MUC3A: variants seen among roughly 807,000 people sequenced by gnomAD.
MUC3A encodes mucin 3A, cell surface associated.
MUC3A carries 109 observed loss-of-function variants against 109.0 expected under a neutral mutation model. The observed-to-expected ratio is 1.00, with a 90% CI of 0.86 to 1.17. MUC3A has a LOEUF of 1.17. Among genes scored for constraint, MUC3A ranks in the 50% most tolerant of loss-of-function variants. The pLI, the probability that MUC3A is intolerant of heterozygous loss-of-function variation, is 0.00. For synonymous variants in MUC3A, 1,398 were observed against 981.4 expected, an observed-to-expected ratio of 1.42 and a Z score of -7.93; for missense variants, 3,537 against 2,469.4, an observed-to-expected ratio of 1.43 and a Z score of -9.16.
rs770324699 is a variant in MUC3A at position 100,959,645 on chromosome 7, G to A, written c.7866G>A (p.Thr2622=). ...HTLTPSTALS[T]IVSTSQVPIP... ...TTACTCCATCAACAGCCTTGAGCAC[G>A]ATCGTGTCAACATCACAGGTTCCTA... Residue 2622 remains threonine, a synonymous_variant, in exon 2 of 12, where the codon ACG becomes ACA. Coordinates refer to ENST00000379458, the MANE Select transcript of MUC3A (RefSeq NM_005960.2). The A allele has an allele frequency of 6.3e-7, 1 of 1,598,516 alleles. No homozygotes were observed. Among genetic ancestry groups the A allele is most frequent in the Non-Finnish European group, 8.5e-7 (1 of 1,179,788 alleles).
In MUC3A at chr7:100,952,281, A is replaced by G; in HGVS notation, c.502A>G (p.Thr168Ala). ...TSTPVTQKPV[T>A]TVTSTYSMTT... is the part of the protein sequence containing the mutation. Reference sequence around the variant, plus strand: ...GACTCCCGTGACACAGAAGCCAGTGACCACCGTCACCAGTACTTACTCTAT... The same window carrying G: ...GACTCCCGTGACACAGAAGCCAGTGGCCACCGTCACCAGTACTTACTCTAT... Residue 168 changes from threonine (T) to alanine (A), a missense_variant, in exon 2 of 12, where the codon ACC becomes GCC. Physicochemically the swap from Thr to Ala is moderately conservative, Grantham distance 58. Transcript: ENST00000379458. 6.3e-7 allele frequency: 1 copy of G among 1,598,520 alleles called. No individual in the cohort carries two copies.
In MUC3A at chr7:100,959,857, C is replaced by T; in HGVS notation, c.8078C>T (p.Ser2693Phe). The T allele has an allele frequency of 6.4e-7, 1 of 1,561,626 alleles. No homozygotes were observed. Among genetic ancestry groups the T allele is most frequent in the Non-Finnish European group, 8.6e-7 (1 of 1,161,628 alleles). ...ACACCCACTATTATCATGTCCTCTT[C>T]TCCATCTTCTGCCAGCATAACTCCA... ...SSTPTIIMSSSPSSASITPVF... is the reference protein window; with the variant it reads ...SSTPTIIMSSFPSSASITPVF... The change falls in exon 2 of 12, where the codon TCT becomes TTT. Residue 2693 changes from serine (S) to phenylalanine (F), a missense_variant. Physicochemically the swap from Ser to Phe is radical, Grantham distance 155. Coordinates refer to ENST00000379458, the MANE Select transcript of MUC3A (RefSeq NM_005960.2).
rs1791977060 is a variant in MUC3A, at chr7:100,952,392, C to CCT, written c.614_615insTC (p.Ser206ProfsTer49). The CCT allele has an allele frequency of 5.6e-6, 9 of 1,597,370 alleles. No homozygotes were observed. The Admixed American group carries it at 6.7e-5, about 12-fold the overall frequency. Reference sequence around the variant, plus strand: ...GGAAACTCCCATAGTGACAGTGACACCCTCCTCTGTGTCAGCCACAGACAC... The same window carrying CCT: ...GGAAACTCCCATAGTGACAGTGACACCTCCTCCTCTGTGTCAGCCACAGACAC... On this transcript the variant is annotated frameshift_variant, in exon 2 of 12. Transcript: ENST00000379458. LOFTEE classifies it high-confidence loss of function.
chr7:100,959,065 C>G lies in MUC3A; in HGVS notation c.7286C>G (p.Ser2429Ter). The G allele has an allele frequency of 6.7e-7, 1 of 1,482,184 alleles. No individual in the cohort carries two copies. Among genetic ancestry groups the G allele is most frequent in the Non-Finnish European group, 8.9e-7 (1 of 1,124,440 alleles). The allele number at this position is 1,482,184 out of a possible 1,614,324, so 91.8% of individuals were successfully genotyped here. Residue 2429 changes from serine (S) to a stop codon, truncating the protein, a stop_gained, in exon 2 of 12, where the codon TCA becomes TGA. Coordinates refer to ENST00000379458, the MANE Select transcript of MUC3A (RefSeq NM_005960.2). LOFTEE classifies it high-confidence loss of function. ...TSHSTPGFTSSITTTETTSES... is the reference protein window; with the variant it reads ...TSHSTPGFTS ...CACAGTACTCCTGGCTTCACTTCTT[C>G]AATCACCACCACTGAGACCACCTCA...
At position 100,960,606 on chromosome 7, in the gene MUC3A, T is replaced by C. The variant is rs765106032; in HGVS notation, c.8827T>C (p.Ser2943Pro). ...ATCACGCAGGACAACTCGCATCACT[T>C]CTCAGATGACCACACAGTCCACGTT... ...LTSRRTTRIT[S>P]QMTTQSTLTT... Residue 2943 changes from serine to proline, a missense_variant, in exon 2 of 12, where the codon TCT becomes CCT. Physicochemically the swap from Ser to Pro is moderately conservative, Grantham distance 74 (BLOSUM62 -1). Transcript: ENST00000379458. The C allele has an allele frequency of 8.2e-4, 1,311 of 1,596,660 alleles. No individual in the cohort carries two copies. The African/African-American group carries it at 0.016, about 20-fold the overall frequency.
chr7:100,960,099 A>G lies in MUC3A; in HGVS notation c.8320A>G (p.Thr2774Ala), dbSNP rs1482533985. The G allele has an allele frequency of 3.9e-6, 6 of 1,524,896 alleles. No homozygotes were observed. Among genetic ancestry groups the G allele is most frequent in the Non-Finnish European group, 5.2e-6 (6 of 1,145,126 alleles). The allele number at this position is 1,524,896 out of a possible 1,614,324, so 94.5% of individuals were successfully genotyped here. Residue 2774 changes from threonine to alanine, a missense_variant, in exon 2 of 12, where the codon ACA (threonine) becomes GCA (alanine). Thr to Ala is a moderately conservative substitution (Grantham distance 58). Coordinates refer to ENST00000379458, the MANE Select transcript of MUC3A (RefSeq NM_005960.2). The stretch of plus-strand genomic sequence containing the variant: ...CACCACACCCTGTCCAGGAACTATA[A>G]CAATTACCATAGTCCCTGCCTCCCC... ...PSTTPCPGTITITIVPASPTD... is the reference protein window; with the variant it reads ...PSTTPCPGTIAITIVPASPTD...
chr7:100,966,924 C>T lies in MUC3A; in HGVS notation c.9903C>T (p.Ala3301=). The change falls in exon 11 of 12, where the codon GCC becomes GCT. Residue 3301 remains alanine (A), a synonymous_variant. Coordinates refer to ENST00000379458, the MANE Select transcript of MUC3A (RefSeq NM_005960.2). ...GTDKDTNFYV[A]LENVDTTMKV... ...ACAAGGATACAAATTTCTATGTGGC[C>T]TTGGAGAACGTGGACACCACTATGA... is the stretch of plus-strand genomic sequence containing the variant. 1 of 1,598,550 alleles carries T rather than the reference C, an allele frequency of 6.3e-7. No homozygotes were observed. The highest frequency in any genetic ancestry group is 8.5e-7 in the Non-Finnish European group (1 of 1,179,828).
In MUC3A at chr7:100,951,873, G is replaced by T; in HGVS notation, c.94G>T (p.Val32Leu). Residue 32 changes from valine (V) to leucine (L), a missense_variant, in exon 2 of 12, where the codon GTG (valine) becomes TTG (leucine). By Grantham distance (32) the Val-to-Leu change is conservative (BLOSUM62 1). Coordinates refer to ENST00000379458, the MANE Select transcript of MUC3A (RefSeq NM_005960.2). The part of the protein sequence containing the change: ...TLSTATSISQ[V>L]PFPRAEAASA... ...ATCCACGGCCACATCCATCTCTCAA[G>T]TGCCTTTCCCCAGAGCAGAAGCAGC... The T allele has an allele frequency of 6.3e-7, 1 of 1,598,278 alleles. No homozygotes were observed. The highest frequency in any genetic ancestry group is 8.5e-7 in the Non-Finnish European group (1 of 1,179,410).
Position 100,956,856 on chromosome 7 carries a change from A to T in MUC3A, c.5077A>T (p.Thr1693Ser). The part of the protein sequence containing the change: ...PPAITSTLHT[T>S]AESTPSPTTT... ...AGCCATCACCAGTACACTCCACACA[A>T]CAGCTGAATCCACCCCATCACCTAC... The change falls in exon 2 of 12, where the codon ACA becomes TCA. Residue 1693 changes from threonine to serine, a missense_variant. Physicochemically the swap from Thr to Ser is moderately conservative, Grantham distance 58. Transcript: ENST00000379458. 1 of 413,926 alleles carries T rather than the reference A, an allele frequency of 2.4e-6. No individual in the cohort carries two copies. Among genetic ancestry groups the T allele is most frequent in the Non-Finnish European group, 4.2e-6 (1 of 236,592 alleles). The allele number at this position is 413,926 out of a possible 1,614,324, so 25.6% of individuals were successfully genotyped here. A position where few individuals can be genotyped will look rare whatever the true frequency, so the allele number is the denominator to read the frequency against.
In MUC3A at chr7:100,965,731, G is replaced by A. The variant is rs1237136724; in HGVS notation, c.9476G>A (p.Gly3159Asp). The A allele has an allele frequency of 6.9e-6, 11 of 1,598,298 alleles. No homozygotes were observed. The highest frequency in any genetic ancestry group is 9.3e-6 in the Non-Finnish European group (11 of 1,179,726). ...ATCTGCCGCCGCGCCGCTCCCACGGGCTATGAAGAGTTCTACTTCCCCTTG... is the reference window on the plus strand; with the variant it reads ...ATCTGCCGCCGCGCCGCTCCCACGGACTATGAAGAGTTCTACTTCCCCTTG... Reference protein sequence around the residue: ...AAICRRAAPTGYEEFYFPLVE... With the variant: ...AAICRRAAPTDYEEFYFPLVE... The change falls in exon 8 of 12, where the codon GGC becomes GAC. Residue 3159 changes from glycine (G) to aspartate (D), a missense_variant. Gly to Asp is a moderately conservative substitution (Grantham distance 94). Coordinates refer to ENST00000379458, the MANE Select transcript of MUC3A (RefSeq NM_005960.2).
chr7:100,957,186 G>A lies in MUC3A; in HGVS notation c.5407G>A (p.Val1803Ile). Residue 1803 changes from valine to isoleucine, a missense_variant, in exon 2 of 12, where the codon GTC becomes ATC. Coordinates refer to ENST00000379458, the MANE Select transcript of MUC3A (RefSeq NM_005960.2). Reference sequence around the variant, plus strand: ...CAGTAGCGTTTCATCTTCTACGCCTGTCCCAAGTACAGAAGCGATCACCAG... The same window carrying A: ...CAGTAGCGTTTCATCTTCTACGCCTATCCCAAGTACAGAAGCGATCACCAG... Reference protein sequence around the residue: ...FTSSVSSSTPVPSTEAITSGT... With the variant: ...FTSSVSSSTPIPSTEAITSGT... 2 of 456,548 alleles carry A rather than the reference G, an allele frequency of 4.4e-6. No individual in the cohort carries two copies. The highest frequency in any genetic ancestry group is 3.8e-6 in the Non-Finnish European group (1 of 262,128). 28.3% of individuals were successfully genotyped at this position (456,548 alleles called of 1,614,324 possible).
At position 100,963,745 on chromosome 7, in the gene MUC3A, T is replaced by G; in HGVS notation, c.9226T>G (p.Ser3076Ala). The stretch of plus-strand genomic sequence containing the variant: ...CACCTTCAAGGGTGTGGAGATCCTG[T>G]CCCTGAGGTAGGAGACCCATCTGGG... ...GFTFKGVEILSLRNGSIVVDY... is the reference protein window; with the variant it reads ...GFTFKGVEILALRNGSIVVDY... Residue 3076 changes from serine to alanine, a missense_variant, in exon 5 of 12, where the codon TCC (serine) becomes GCC (alanine). Physicochemically the swap from Ser to Ala is moderately conservative, Grantham distance 99 (BLOSUM62 1). Coordinates refer to ENST00000379458, the MANE Select transcript of MUC3A (RefSeq NM_005960.2). 6.3e-7 allele frequency: 1 copy of G among 1,598,570 alleles called. No individual in the cohort carries two copies. The highest frequency in any genetic ancestry group is 8.5e-7 in the Non-Finnish European group (1 of 1,179,830).
In MUC3A at chr7:100,965,816, C is replaced by T. The variant is rs1278822126; in HGVS notation, c.9561C>T (p.Ile3187=). 3 of 1,597,510 alleles carry T rather than the reference C, an allele frequency of 1.9e-6. No homozygotes were observed. The highest frequency in any genetic ancestry group is 2.5e-6 in the Non-Finnish European group (3 of 1,179,080). ...TKCTSGVDNA[I]DCHQGQCVLE... ...GCACGTCGGGGGTGGACAACGCCAT[C>T]GACTGTCACCAGGGCCAGTGCGTTC... The change falls in exon 8 of 12, where the codon ATC becomes ATT. Residue 3187 remains isoleucine, a synonymous_variant. Transcript: ENST00000379458.
chr7:100,966,841 C>G (rs1792590285), intron 10 of MUC3A, 58 bp from the exon 11 acceptor site: 2 of 1,598,376 alleles, frequency 1.3e-6, no homozygotes, highest in Admixed American at 1.7e-5. Flanking sequence ...CTCCGTCCCC[C>G]TCTCCCTTCC....
At chr7:100,965,046 C>T (rs1792478445) in intron 6 of MUC3A, 3 of 1,091,154 alleles carry the variant, frequency 2.7e-6, no homozygotes, top group South Asian at 1.6e-5. Flanking sequence ...GAAAGAGACC[C>T]CCTGATTGTC....
At chr7:100,962,422 AT>A (rs1792357833) in intron 3 of MUC3A, among the ~76,000 whole-genome samples, 1 of 152,218 alleles carries the variant, frequency 6.6e-6, no homozygotes, top group African/African-American at 2.4e-5. Context: ...TATCTCAACA[AT>A]AAAAAAAAGT....
In MUC3A at chr7:100,959,411, C is replaced by A. The variant is rs376985809; in HGVS notation, c.7632C>A (p.Thr2544=). ...AAACCTCATCCCTTGTGGGCACCACCTCTCCCACCATGTCCACTGTGAGAA... is the reference window on the plus strand; with the variant it reads ...AAACCTCATCCCTTGTGGGCACCACATCTCCCACCATGTCCACTGTGAGAA... ...STETSSLVGT[T]SPTMSTVRMT... The change falls in exon 2 of 12, where the codon ACC becomes ACA. Residue 2544 remains threonine, a synonymous_variant. Coordinates refer to ENST00000379458, the MANE Select transcript of MUC3A (RefSeq NM_005960.2). 3 of 1,536,328 alleles carry A rather than the reference C, an allele frequency of 2.0e-6. No homozygotes were observed. The highest frequency in any genetic ancestry group is 1.4e-5 in the African/African-American group (1 of 73,000).
intron 1 of MUC3A, 134 bp downstream of exon 1, chr7:100,949,819 G>A (rs1791884714): frequency 2.5e-6 from 2 of 805,978 alleles, no homozygotes; most frequent in East Asian, 6.8e-5. Context: ...GGTGCAGGGA[G>A]AACCGAGGCA....
At position 100,957,454 on chromosome 7, in the gene MUC3A, T is replaced by C; in HGVS notation, c.5675T>C (p.Leu1892Ser). Reference sequence around the variant, plus strand: ...ACAGCCACAGTTCCAACAACAAACTTGGTAACCACGACCACCAAGATCACC... The same window carrying C: ...ACAGCCACAGTTCCAACAACAAACTCGGTAACCACGACCACCAAGATCACC... ...TVTATVPTTNLVTTTTKITSH... is the reference protein window; with the variant it reads ...TVTATVPTTNSVTTTTKITSH... The change falls in exon 2 of 12, where the codon TTG (leucine) becomes TCG (serine). Residue 1892 changes from leucine (L) to serine (S), a missense_variant. Transcript: ENST00000379458. The C allele has an allele frequency of 1.1e-6, 1 of 949,490 alleles. No homozygotes were observed. The highest frequency in any genetic ancestry group is 1.3e-6 in the Non-Finnish European group (1 of 784,748). The allele number at this position is 949,490 out of a possible 1,614,324, so 58.8% of individuals were successfully genotyped here.
Sources: allele counts gnomAD v4.1 joint callset (sites outside exome capture counted in the v4.1 genomes callset), GRCh38; gene constraint gnomAD v4.1.1; transcripts MANE v1.5; gene names NCBI Gene and HGNC (gene_info 2026-07-23, HGNC 2026-07-21).